Variants in ELOVL7 observed in about 807,000 individuals in gnomAD.
ELOVL7 encodes the protein very long chain fatty acid elongase 7.
Under a neutral mutation model 35.7 loss-of-function variants are expected in ELOVL7, and 27 were observed. The observed-to-expected ratio is 0.76, with a 90% CI of 0.56 to 1.04. The LOEUF (loss-of-function observed/expected upper bound fraction) is 1.04, where lower values mean the gene tolerates loss of function less well. Among genes scored for constraint, ELOVL7 ranks in the 50% least tolerant of loss-of-function variants. The probability of loss-of-function intolerance (pLI) is 0.00; values close to 1 mark genes in which losing one functional copy is unlikely to be tolerated. For synonymous variants in ELOVL7, 113 were observed against 114.6 expected, an observed-to-expected ratio of 0.99 and a Z score of 0.09; for missense variants, 327 against 340.8, an observed-to-expected ratio of 0.96 and a Z score of 0.32.
rs202133313 is a variant in ELOVL7, at chr5:60,764,261, C to T, written c.465G>A (p.Pro155=). ...ATTTGACTCCAAACCACCAGGTCCA[C>T]GGCATGATGGTATGATGGAATACAT... is the stretch of plus-strand genomic sequence containing the variant. ...FLHVFHHTIM[P]WTWWFGVKFA... is the part of the protein sequence containing the mutation. Residue 155 remains proline (P), a synonymous_variant, in exon 7 of 9, where the codon CCG becomes CCA. Coordinates refer to ENST00000508821, the MANE Select transcript of ELOVL7 (RefSeq NM_024930.3). The T allele has an allele frequency of 3.4e-5, 55 of 1,613,414 alleles. No homozygotes were observed. The highest frequency in any genetic ancestry group is 4.5e-5 in the East Asian group (2 of 44,860).
chr5:60,800,965 T>C (rs1346271141), intron 1 of ELOVL7, among the ~76,000 whole-genome samples: 2 of 152,208 alleles, frequency 1.3e-5, no homozygotes, highest in Non-Finnish European at 2.9e-5. Flanking sequence ...TCTCATTTTG[T>C]CACCAAGGCT....
At chr5:60,766,235 C>T (rs191515327) in intron 6 of ELOVL7, among the ~76,000 whole-genome samples, 3 of 152,282 alleles carry the variant, frequency 2.0e-5, no homozygotes, top group African/African-American at 7.2e-5. Flanking sequence ...ACTTCCTGAA[C>T]TTGATTCATA....
intron 1 of ELOVL7, among the ~76,000 whole-genome samples, chr5:60,840,442 G>A (rs1333500581): frequency 1.3e-5 from 2 of 152,142 alleles, no homozygotes; most frequent in Non-Finnish European, 2.9e-5. Context: ...CAGAACCTAG[G>A]AGAAGCATGG....
In ELOVL7 at chr5:60,767,893, G is replaced by C; in HGVS notation, c.266C>G (p.Ser89Cys). The C allele has an allele frequency of 1.2e-6, 2 of 1,613,594 alleles. No individual in the cohort carries two copies. Among genetic ancestry groups the C allele is most frequent in the Non-Finnish European group, 1.7e-6 (2 of 1,179,618 alleles). Residue 89 changes from serine (S) to cysteine (C), a missense_variant, in exon 5 of 9, where the codon TCT (serine) becomes TGT (cysteine). Coordinates refer to ENST00000508821, the MANE Select transcript of ELOVL7 (RefSeq NM_024930.3). ...AAATGAATAACCTATACCCCAGCCA[G>C]ACATCACAAACTGCAAGAGAGCACA... is the stretch of plus-strand genomic sequence containing the variant. ...SVYMCYEFVMSGWGIGYSFRC... is the reference protein window; with the variant it reads ...SVYMCYEFVMCGWGIGYSFRC...
At chr5:60,777,311 T>C (rs137920987) in intron 3 of ELOVL7, among the ~76,000 whole-genome samples, 4,106 of 152,126 alleles carry the variant, frequency 0.027, 149 homozygotes, top group African/African-American at 0.075. Context: ...AATTATTACA[T>C]ATTGCATGCC....
At chr5:60,781,345 G>A (rs1382716161) in intron 3 of ELOVL7, among the ~76,000 whole-genome samples, 1 of 152,042 alleles carries the variant, frequency 6.6e-6, no homozygotes, top group Non-Finnish European at 1.5e-5. Flanking sequence ...AATTTCAAAT[G>A]ATTCTATTAT....
intron 1 of ELOVL7, among the ~76,000 whole-genome samples, chr5:60,811,166 T>C (rs1745217778): frequency 6.6e-6 from 1 of 152,090 alleles, no homozygotes; most frequent in African/African-American, 2.4e-5. Context: ...AGGTCAGTTG[T>C]ACTTTTTTTA....
chr5:60,767,921 C>A lies in ELOVL7; in HGVS notation c.256-18G>T, dbSNP rs185682294. 3.7e-6 allele frequency: 6 copies of A among 1,601,618 alleles called. No homozygotes were observed. The African/African-American group carries it at 6.7e-5, about 18-fold the overall frequency. ...ATCACAAACTGCAAGAGAGCACATG[C>A]ATATTAAGAAAGGAAAGCATTTTCC... On this transcript the variant is annotated intron_variant, in intron 4 of 8. Coordinates refer to ENST00000508821, the MANE Select transcript of ELOVL7 (RefSeq NM_024930.3).
At chr5:60,842,512 G>A (rs34099891) in intron 1 of ELOVL7, among the ~76,000 whole-genome samples, 2 of 148,976 alleles carry the variant, frequency 1.3e-5, no homozygotes, top group Admixed American at 6.7e-5. Flanking sequence ...AAAAAAAAGC[G>A]GGGGCAGGGG....
chr5:60,831,085 A>G (rs144677957), intron 1 of ELOVL7, among the ~76,000 whole-genome samples: 4 of 152,330 alleles, frequency 2.6e-5, no homozygotes, highest in African/African-American at 9.6e-5. Context: ...ATGAATGAAT[A>G]CTGATTTAAC....
At chr5:60,765,081 T>C (rs1043380713) in intron 6 of ELOVL7, among the ~76,000 whole-genome samples, 16 of 152,168 alleles carry the variant, frequency 1.1e-4, no homozygotes, top group Admixed American at 6.5e-5. Context: ...TTAAGAGTAT[T>C]TGAGCAATGT....
chr5:60,833,721 G>T (rs889596485), intron 1 of ELOVL7, among the ~76,000 whole-genome samples: 12 of 152,138 alleles, frequency 7.9e-5, no homozygotes, highest in African/African-American at 2.7e-4. Context: ...CTTGGGCAAG[G>T]TTCTTCACTT....
chr5:60,796,930 A>C (rs1164073533), intron 2 of ELOVL7, among the ~76,000 whole-genome samples: 1 of 152,232 alleles, frequency 6.6e-6, no homozygotes, highest in Non-Finnish European at 1.5e-5. Flanking sequence ...GGTTTATAAA[A>C]CAAGAACAAT....
At chr5:60,821,642 C>T (rs1745896016) in intron 1 of ELOVL7, among the ~76,000 whole-genome samples, 1 of 152,254 alleles carries the variant, frequency 6.6e-6, no homozygotes, top group Non-Finnish European at 1.5e-5. Flanking sequence ...TAAGCTGTCC[C>T]CTCTTCTACC....
At chr5:60,760,931 T>C (rs921454206) in intron 7 of ELOVL7, among the ~76,000 whole-genome samples, 6 of 152,202 alleles carry the variant, frequency 3.9e-5, no homozygotes, top group African/African-American at 1.4e-4. Context: ...AAAGCACTAG[T>C]GTAGCCAAGA....
intron 1 of ELOVL7, among the ~76,000 whole-genome samples, chr5:60,843,125 A>G (rs2112424539): frequency 6.6e-6 from 1 of 152,308 alleles, no homozygotes; most frequent in Non-Finnish European, 1.5e-5. Flanking sequence ...TTAAGTGAAC[A>G]TGCTTTCCGA....
At chr5:60,819,804 C>CA (rs951130856) in intron 1 of ELOVL7, among the ~76,000 whole-genome samples, 4 of 151,552 alleles carry the variant, frequency 2.6e-5, no homozygotes, top group South Asian at 2.1e-4. Flanking sequence ...CAAAACAAAA[C>CA]AAAAAAAACC....
At chr5:60,842,380 A>C (rs1374807320) in intron 1 of ELOVL7, among the ~76,000 whole-genome samples, 1 of 152,094 alleles carries the variant, frequency 6.6e-6, no homozygotes, top group Non-Finnish European at 1.5e-5. Context: ...GAATATTATA[A>C]TGTGCACTGA....
chr5:60,787,405 A>G lies in ELOVL7; in HGVS notation c.-8T>C, dbSNP rs1247295403. 1.3e-6 allele frequency: 2 copies of G among 1,591,020 alleles called. No homozygotes were observed. Among genetic ancestry groups the G allele is most frequent in the Non-Finnish European group, 1.7e-6 (2 of 1,171,514 alleles). On this transcript the variant is annotated 5_prime_UTR_variant, in exon 3 of 9. Coordinates refer to ENST00000508821, the MANE Select transcript of ELOVL7 (RefSeq NM_024930.3). ...AAGATCACTGAAGGCCATTTTCCAC[A>G]GGATTTACTGGCTCTTTTAATGGGT...
Sources: allele counts gnomAD v4.1 joint callset (sites outside exome capture counted in the v4.1 genomes callset), GRCh38; gene constraint gnomAD v4.1.1; transcripts MANE v1.5; gene names NCBI Gene and HGNC (gene_info 2026-07-23, HGNC 2026-07-21).